CADM2: variants seen among roughly 807,000 people sequenced by gnomAD.
CADM2 encodes the protein cell adhesion molecule 2, also known as immunoglobulin superfamily member 4D.
A neutral mutation model predicts 49.8 loss-of-function variants in CADM2; 12 were observed. The ratio of observed to expected loss-of-function variants is 0.24; its 90% CI spans 0.15 to 0.39. The LOEUF is 0.39. Ranked by LOEUF, CADM2 falls within the 10% of genes least tolerant of loss-of-function variation. The pLI, the probability that CADM2 is intolerant of heterozygous loss-of-function variation, is 1.00. For missense variants in CADM2, 378 were observed against 492.3 expected (o/e 0.77, Z 2.20); for synonymous variants, 214 against 175.4 (o/e 1.22, Z -1.74).
chr3:85,889,830 G>A (rs537644451), intron 5 of CADM2, among the ~76,000 whole-genome samples: 1 of 152,200 alleles, frequency 6.6e-6, no homozygotes, highest in South Asian at 2.1e-4. Flanking sequence ...TCACAGTTGA[G>A]AAAGAGACAT....
At chr3:85,307,738 A>G (rs1366230242) in intron 1 of CADM2, among the ~76,000 whole-genome samples, 2 of 151,756 alleles carry the variant, frequency 1.3e-5, no homozygotes, top group Non-Finnish European at 3.0e-5. Context: ...TTAATTATGC[A>G]TAAATATTTA....
rs537053564 is a variant in CADM2, at chr3:85,961,873, T to C, written c.970+226T>C. ...TAAAATTTTTTTTTGTAAAAAGCTT[T>C]CTCAATTATAAATATACTTCTTACA... On this transcript the variant is annotated intron_variant, in intron 8 of 9. Coordinates refer to ENST00000383699, the MANE Select transcript of CADM2 (RefSeq NM_001167675.2). Among the ~76,000 whole-genome samples the C allele has an allele frequency of 8.5e-5, 13 of 152,052 alleles. No homozygotes were observed. In the South Asian group the frequency reaches 2.7e-3, roughly 31 times the overall value.
At chr3:85,761,567 G>A (rs1350130370) in intron 2 of CADM2, among the ~76,000 whole-genome samples, 1 of 151,250 alleles carries the variant, frequency 6.6e-6, no homozygotes, top group Admixed American at 6.6e-5. Context: ...AATAGAGATG[G>A]GGTTTCACCA....
chr3:85,172,843 T>A (rs2040663837), intron 1 of CADM2, among the ~76,000 whole-genome samples: 1 of 146,898 alleles, frequency 6.8e-6, no homozygotes, highest in Admixed American at 6.9e-5. Context: ...ATATATATAT[T>A]ATATATAAAA....
intron 1 of CADM2, among the ~76,000 whole-genome samples, chr3:85,288,785 C>CA (rs1491522371): frequency 6.4e-4 from 12 of 18,706 alleles, no homozygotes; most frequent in African/African-American, 4.8e-3. Context: ...TACCAATATG[C>CA]CCCCCCCCCC....
intron 1 of CADM2, among the ~76,000 whole-genome samples, chr3:85,617,768 T>C (rs759732177): frequency 7.2e-5 from 11 of 152,110 alleles, no homozygotes; most frequent in Non-Finnish European, 1.3e-4. Flanking sequence ...AGTCATCTCT[T>C]TGGAGATTCT....
intron 1 of CADM2, among the ~76,000 whole-genome samples, chr3:85,123,066 T>C (rs1455641300): frequency 2.6e-5 from 4 of 152,192 alleles, no homozygotes; most frequent in South Asian, 4.1e-4. Flanking sequence ...TATTATCTTA[T>C]GTTCCATCAA....
At chr3:85,439,530 TA>T (rs541181159) in intron 1 of CADM2, among the ~76,000 whole-genome samples, 265 of 152,318 alleles carry the variant, frequency 1.7e-3, no homozygotes, top group African/African-American at 5.8e-3. Context: ...CAAATTCTTC[TA>T]TTTTTTTGTT....
rs563899653 is a variant in CADM2, at chr3:85,868,996, G to A, written c.239-14295G>A. ...TTATTGGAGTTTATATCTTCTTACAGCATATTGAGGATTTAAACATTTTTA... is the reference window on the plus strand; with the variant it reads ...TTATTGGAGTTTATATCTTCTTACAACATATTGAGGATTTAAACATTTTTA... On this transcript the variant is annotated intron_variant, in intron 3 of 9. Coordinates refer to ENST00000383699, the MANE Select transcript of CADM2 (RefSeq NM_001167675.2). Among the ~76,000 whole-genome samples, 30 of 151,918 alleles carry A rather than the reference G, an allele frequency of 2.0e-4. No homozygotes were observed. In the South Asian group the frequency reaches 5.4e-3, roughly 27 times the overall value.
intron 1 of CADM2, among the ~76,000 whole-genome samples, chr3:84,987,569 A>G (rs1480284993): frequency 2.0e-5 from 3 of 152,032 alleles, no homozygotes; most frequent in Non-Finnish European, 4.4e-5. Context: ...CTAGTTTTTC[A>G]TTTTACTCCT....
Position 86,055,702 on chromosome 3 carries a change from G to A in CADM2, c.971-9903G>A, listed in dbSNP as rs554795116. Among the ~76,000 whole-genome samples the A allele has an allele frequency of 3.3e-5, 5 of 152,010 alleles. No individual in the cohort carries two copies. In the South Asian group the frequency reaches 1.0e-3, roughly 32 times the overall value. On this transcript the variant is annotated intron_variant, in intron 8 of 9. Coordinates refer to ENST00000383699, the MANE Select transcript of CADM2 (RefSeq NM_001167675.2). ...CTCACGACCTAATCACCTTCCAAAG[G>A]CTCCACCTCCTAATATCATCACGTT...
chr3:85,475,112 G>A (rs1410306504), intron 1 of CADM2, among the ~76,000 whole-genome samples: 1 of 151,906 alleles, frequency 6.6e-6, no homozygotes, highest in Non-Finnish European at 1.5e-5. Context: ...TTCCTCCCAT[G>A]GAGTCTGTTT....
chr3:84,968,844 A>T (rs1458063489), intron 1 of CADM2, among the ~76,000 whole-genome samples: 1 of 152,094 alleles, frequency 6.6e-6, no homozygotes, highest in East Asian at 1.9e-4. Flanking sequence ...GAGGCTGTAG[A>T]TATTTAAGCA....
intron 1 of CADM2, among the ~76,000 whole-genome samples, chr3:85,370,588 G>A (rs1228062551): frequency 6.6e-6 from 1 of 152,122 alleles, no homozygotes; most frequent in East Asian, 1.9e-4. Flanking sequence ...ATAAAGTATG[G>A]CATATACAAT....
intron 1 of CADM2, among the ~76,000 whole-genome samples, chr3:85,287,720 C>G (rs1462429207): frequency 6.6e-6 from 1 of 152,028 alleles, no homozygotes; most frequent in Non-Finnish European, 1.5e-5. Flanking sequence ...TACATTATGA[C>G]TGCAGGAACT....
intron 1 of CADM2, among the ~76,000 whole-genome samples, chr3:85,427,462 T>A (rs2036466212): frequency 1.3e-5 from 2 of 151,988 alleles, no homozygotes; most frequent in Non-Finnish European, 2.9e-5. Context: ...GTACAAAAGA[T>A]AACAGCTGGC....
intron 8 of CADM2, among the ~76,000 whole-genome samples, chr3:86,052,321 A>T (rs1737442276): frequency 6.6e-6 from 1 of 152,148 alleles, no homozygotes. Flanking sequence ...CTTAGGTATT[A>T]GGTACGGCTT....
intron 3 of CADM2, among the ~76,000 whole-genome samples, chr3:85,870,316 G>A (rs2075878281): frequency 6.6e-6 from 1 of 151,682 alleles, no homozygotes; most frequent in Admixed American, 6.6e-5. Context: ...GTATACTTGT[G>A]TCATGGAGAT....
chr3:85,230,358 A>G (rs1576170392), intron 1 of CADM2, among the ~76,000 whole-genome samples: 1 of 152,182 alleles, frequency 6.6e-6, no homozygotes, highest in Non-Finnish European at 1.5e-5. Flanking sequence ...CAGATTATCT[A>G]TGGTTCTTAT....
Sources: allele counts gnomAD v4.1 joint callset (sites outside exome capture counted in the v4.1 genomes callset), GRCh38; gene constraint gnomAD v4.1.1; transcripts MANE v1.5; gene names NCBI Gene and HGNC (gene_info 2026-07-23, HGNC 2026-07-21).